IMPA2: variants seen among roughly 807,000 people sequenced by gnomAD.
The protein encoded by IMPA2 is IMP 2.
IMPA2 carries 32 observed loss-of-function variants against 35.1 expected under a neutral mutation model. The observed-to-expected ratio is 0.91, with a 90% CI of 0.69 to 1.23. The LOEUF is 1.23. IMPA2 is among the 50% of genes most tolerant of loss of function. The pLI, the probability that IMPA2 is intolerant of heterozygous loss-of-function variation, is 0.00. For synonymous variants in IMPA2, 135 were observed against 160.6 expected (o/e 0.84, Z 1.20); for missense variants, 334 against 387.6 (o/e 0.86, Z 1.16).
At chr18:12,025,210 A>G (rs1164753628) in intron 5 of IMPA2, among the ~76,000 whole-genome samples, 4 of 152,158 alleles carry the variant, frequency 2.6e-5, no homozygotes, top group Admixed American at 2.0e-4. Flanking sequence ...ATGCTTTCTC[A>G]TTTCCTTTAA....
chr18:12,025,099 T>G (rs1907843665), intron 5 of IMPA2, among the ~76,000 whole-genome samples: 1 of 149,872 alleles, frequency 6.7e-6, no homozygotes, highest in African/African-American at 2.4e-5. Flanking sequence ...TAGTTTTGCC[T>G]TTTCCAGAAT....
In IMPA2 at chr18:12,028,979, T is replaced by G; in HGVS notation, c.737T>G (p.Val246Gly). The change falls in exon 7 of 8, where the codon GTG becomes GGG. Residue 246 changes from valine to glycine, a missense_variant. By Grantham distance (109) the Val-to-Gly change is moderately radical (BLOSUM62 -3). Coordinates refer to ENST00000269159, the MANE Select transcript of IMPA2 (RefSeq NM_014214.3). ...TVIIREAGGI[V>G]IDTSGGPLDL... ...ATCATCAGAGAAGCAGGCGGCATCGTGATAGACACTTCGGGTGAGCTCTCC... is the reference window on the plus strand; with the variant it reads ...ATCATCAGAGAAGCAGGCGGCATCGGGATAGACACTTCGGGTGAGCTCTCC... 1 of 1,613,544 alleles carries G rather than the reference T, an allele frequency of 6.2e-7. No homozygotes were observed. The highest frequency in any genetic ancestry group is 8.5e-7 in the Non-Finnish European group (1 of 1,179,988).
At chr18:11,998,726 C>T (rs998814612) in intron 1 of IMPA2, among the ~76,000 whole-genome samples, 2 of 152,006 alleles carry the variant, frequency 1.3e-5, no homozygotes, top group Non-Finnish European at 2.9e-5. Flanking sequence ...TTCTTTTACT[C>T]GAAGAGAAGT....
At chr18:12,025,406 C>T (rs1057472927) in intron 5 of IMPA2, among the ~76,000 whole-genome samples, 3 of 152,188 alleles carry the variant, frequency 2.0e-5, no homozygotes, top group African/African-American at 7.2e-5. Flanking sequence ...GATTGCTGGA[C>T]GGTATGGTAA....
At chr18:12,019,912 G>C (rs1907682169) in intron 5 of IMPA2, among the ~76,000 whole-genome samples, 1 of 152,134 alleles carries the variant, frequency 6.6e-6, no homozygotes, top group Non-Finnish European at 1.5e-5. Context: ...GTCTTGCTCT[G>C]TTGCCCAGTC....
At chr18:11,986,099 G>C (rs896694189) in intron 1 of IMPA2, among the ~76,000 whole-genome samples, 14 of 152,074 alleles carry the variant, frequency 9.2e-5, no homozygotes, top group African/African-American at 3.4e-4. Flanking sequence ...CAAAATCTCA[G>C]GACAAAGCAG....
intron 4 of IMPA2, among the ~76,000 whole-genome samples, chr18:12,013,599 G>A (rs1340084919): frequency 6.6e-6 from 1 of 152,216 alleles, no homozygotes; most frequent in Admixed American, 6.5e-5. Flanking sequence ...AACCCTGAGT[G>A]GTGAAAAGTC....
intron 2 of IMPA2, among the ~76,000 whole-genome samples, chr18:12,009,015 G>GGCGGGC (rs58950163): frequency 0.11 from 17,124 of 152,230 alleles, 1,379 homozygotes; most frequent in East Asian, 0.29. Context: ...ATGGGGCAGG[G>GGCGGGC]AGCGTCCCAG....
chr18:11,989,365 C>T (rs534355088), intron 1 of IMPA2, among the ~76,000 whole-genome samples: 1 of 152,312 alleles, frequency 6.6e-6, no homozygotes, highest in Admixed American at 6.5e-5. Flanking sequence ...CCTGCCTCGC[C>T]TGGTCCACAC....
At chr18:11,992,805 G>T (rs1383610124) in intron 1 of IMPA2, among the ~76,000 whole-genome samples, 1 of 152,168 alleles carries the variant, frequency 6.6e-6, no homozygotes, top group Non-Finnish European at 1.5e-5. Context: ...ACCTTACCTG[G>T]CAACCCCATG....
chr18:12,005,179 C>T (rs181081115), intron 2 of IMPA2, among the ~76,000 whole-genome samples: 1 of 152,328 alleles, frequency 6.6e-6, no homozygotes, highest in African/African-American at 2.4e-5. Flanking sequence ...GATGCTCGTG[C>T]CACCTTGTAG....
At position 12,030,527 on chromosome 18, in the gene IMPA2, C is replaced by G; in HGVS notation, c.*69C>G. On this transcript the variant is annotated 3_prime_UTR_variant, in exon 8 of 8. Coordinates refer to ENST00000269159, the MANE Select transcript of IMPA2 (RefSeq NM_014214.3). Reference sequence around the variant, plus strand: ...TGTGGGCTCCTGGGGAGGTGGCCCTCGTGGCCCACGCTCCATGCCAGTGGC... The same window carrying G: ...TGTGGGCTCCTGGGGAGGTGGCCCTGGTGGCCCACGCTCCATGCCAGTGGC... 8.1e-7 allele frequency: 1 copy of G among 1,239,502 alleles called. No individual in the cohort carries two copies. The highest frequency in any genetic ancestry group is 2.3e-5 in the East Asian group (1 of 42,892). The allele number at this position is 1,239,502 out of a possible 1,614,324, so 76.8% of individuals were successfully genotyped here.
chr18:12,012,315 C>A, intron 4 of IMPA2, 100 bp downstream of exon 4: 1 of 988,588 alleles, frequency 1.0e-6, no homozygotes, highest in Non-Finnish European at 1.6e-6. Context: ...TGCTGTTTGC[C>A]CTGTGCCTTA....
chr18:11,996,202 C>T (rs1451333728), intron 1 of IMPA2, among the ~76,000 whole-genome samples: 1 of 152,196 alleles, frequency 6.6e-6, no homozygotes, highest in Non-Finnish European at 1.5e-5. Context: ...GTGAGAAAAC[C>T]CCAGAGCACA....
chr18:12,025,740 C>T (rs978876077), intron 5 of IMPA2, among the ~76,000 whole-genome samples: 3 of 151,896 alleles, frequency 2.0e-5, no homozygotes, highest in Non-Finnish European at 4.4e-5. Flanking sequence ...CTGCCATACC[C>T]GGCTAATTTT....
At chr18:11,986,919 C>T (rs73949506) in intron 1 of IMPA2, among the ~76,000 whole-genome samples, 2,998 of 152,260 alleles carry the variant, frequency 0.02, 110 homozygotes, top group African/African-American at 0.069. Context: ...ATGGTTCAGC[C>T]CGGCAGTGTA....
rs1346237435 is a variant in IMPA2 at position 12,010,071 on chromosome 18, T to G, written c.335+84T>G. The G allele has an allele frequency of 1.0e-6, 1 of 986,266 alleles. No homozygotes were observed. The highest frequency in any genetic ancestry group is 1.6e-6 in the Non-Finnish European group (1 of 624,124). The allele number at this position is 986,266 out of a possible 1,614,324, so 61.1% of individuals were successfully genotyped here. Reference sequence around the variant, plus strand: ...TTTGTCTTTTCAAAAGCAGCATTTTTTAAGGCAGGAATATATAAACAAACC... The same window carrying G: ...TTTGTCTTTTCAAAAGCAGCATTTTGTAAGGCAGGAATATATAAACAAACC... On this transcript the variant is annotated intron_variant, in intron 3 of 7. Transcript: ENST00000269159. The surrounding 1 kb of genome is among the most constrained non-coding windows in gnomAD (Gnocchi z 4.8).
intron 5 of IMPA2, among the ~76,000 whole-genome samples, chr18:12,018,675 T>C (rs1907647848): frequency 6.6e-6 from 1 of 152,192 alleles, no homozygotes; most frequent in Admixed American, 6.5e-5. Flanking sequence ...ACTAATCATA[T>C]TTTCCAAAAT....
rs546464574 is a variant in IMPA2, at chr18:11,995,494, C to A, written c.97-3560C>A. ...CTAAAAGGAAGAAGGGGAGACTGGA[C>A]GTTTGGGGTCAAATGGTCTCTGCTA... On this transcript the variant is annotated intron_variant, in intron 1 of 7. Coordinates refer to ENST00000269159, the MANE Select transcript of IMPA2 (RefSeq NM_014214.3). 3.7e-3 allele frequency among the ~76,000 whole-genome samples: 556 copies of A among 152,318 alleles called. 4 individuals are homozygous for A. Among genetic ancestry groups the A allele is most frequent in the Non-Finnish European group, 5.5e-3 (371 of 68,028 alleles).
Sources: allele counts gnomAD v4.1 joint callset (sites outside exome capture counted in the v4.1 genomes callset), GRCh38; gene constraint gnomAD v4.1.1; non-coding constraint Gnocchi (gnomAD v3.1); transcripts MANE v1.5; gene names NCBI Gene and HGNC (gene_info 2026-07-23, HGNC 2026-07-21).